The following PAK5 variants were observed in gnomAD, a reference collection of about 807,000 sequenced individuals.
PAK5 encodes the protein p21 (RAC1) activated kinase 5.
A neutral mutation model predicts 65.9 loss-of-function variants in PAK5; 16 were observed. The observed-to-expected ratio is 0.24, with a 90% CI of 0.16 to 0.37. The LOEUF (loss-of-function observed/expected upper bound fraction) is 0.37, where lower values mean the gene tolerates loss of function less well. Ranked by LOEUF, PAK5 falls within the 10% of genes least tolerant of loss-of-function variation. The pLI is 1.00. For missense variants in PAK5, 785 were observed against 903.9 expected (o/e 0.87, Z 1.69); for synonymous variants, 371 against 354.9 (o/e 1.05, Z -0.51).
At chr20:9,643,960 A>G (rs2047100415) in intron 3 of PAK5, among the ~76,000 whole-genome samples, 165 bp downstream of exon 3, 1 of 152,252 alleles carries the variant, frequency 6.6e-6, no homozygotes, top group Non-Finnish European at 1.5e-5. Context: ...TGCAATTTAT[A>G]AGAAATGGTG....
intron 3 of PAK5, among the ~76,000 whole-genome samples, chr20:9,607,866 A>G (rs1333041765): frequency 6.6e-6 from 1 of 152,114 alleles, no homozygotes; most frequent in African/African-American, 2.4e-5. Context: ...AGAAAAAGAA[A>G]ATGATGCTTC....
chr20:9,598,328 A>G (rs1436356078), intron 3 of PAK5, among the ~76,000 whole-genome samples: 1 of 152,218 alleles, frequency 6.6e-6, no homozygotes, highest in Non-Finnish European at 1.5e-5. Context: ...CATGGTGTAT[A>G]CATATCGCAC....
At chr20:9,593,077 A>G (rs2046200619) in intron 3 of PAK5, among the ~76,000 whole-genome samples, 1 of 152,078 alleles carries the variant, frequency 6.6e-6, no homozygotes, top group African/African-American at 2.4e-5. Flanking sequence ...AGGTAGGAGG[A>G]CTGCTTGAGG....
chr20:9,688,282 T>C (rs1252015926), intron 2 of PAK5, among the ~76,000 whole-genome samples: 1 of 152,018 alleles, frequency 6.6e-6, no homozygotes, highest in Non-Finnish European at 1.5e-5. Flanking sequence ...TTCAAACAAA[T>C]TCTACTTCCC....
chr20:9,676,859 C>T (rs964126551), intron 2 of PAK5, among the ~76,000 whole-genome samples: 1 of 152,066 alleles, frequency 6.6e-6, no homozygotes, highest in South Asian at 2.1e-4. Flanking sequence ...ATTTAATATG[C>T]TTATGTTTTG....
At chr20:9,788,147 G>T (rs576876871) in intron 1 of PAK5, among the ~76,000 whole-genome samples, 16 of 152,166 alleles carry the variant, frequency 1.1e-4, no homozygotes, top group Non-Finnish European at 1.9e-4. Flanking sequence ...GATGGTCATA[G>T]ATGACTATAG....
intron 4 of PAK5, among the ~76,000 whole-genome samples, chr20:9,577,197 T>C (rs936877822): frequency 7.0e-6 from 1 of 142,854 alleles, no homozygotes; most frequent in African/African-American, 2.5e-5. Flanking sequence ...TTTCATCTGC[T>C]TAGTTCCAGC....
At chr20:9,663,804 G>A (rs139607151) in intron 2 of PAK5, among the ~76,000 whole-genome samples, 15 of 152,230 alleles carry the variant, frequency 9.9e-5, no homozygotes, top group Middle Eastern at 3.4e-3. Flanking sequence ...TGAATAACAC[G>A]AGTGCTTAAA....
At chr20:9,664,314 T>C (rs983389296) in intron 2 of PAK5, among the ~76,000 whole-genome samples, 7 of 152,208 alleles carry the variant, frequency 4.6e-5, no homozygotes, top group Non-Finnish European at 7.3e-5. Context: ...TGACACCCTC[T>C]TTATAAAGAA....
chr20:9,627,661 C>T (rs2046864310), intron 3 of PAK5, among the ~76,000 whole-genome samples: 1 of 152,042 alleles, frequency 6.6e-6, no homozygotes, highest in South Asian at 2.1e-4. Context: ...GAGTCTCACT[C>T]TGTCACTCAG....
chr20:9,571,435 C>G (rs1185131166), intron 4 of PAK5, among the ~76,000 whole-genome samples: 1 of 152,202 alleles, frequency 6.6e-6, no homozygotes, highest in Non-Finnish European at 1.5e-5. Context: ...AAACTGCCCC[C>G]AAGCAATGCA....
At chr20:9,678,306 G>A (rs2047602817) in intron 2 of PAK5, among the ~76,000 whole-genome samples, 1 of 152,208 alleles carries the variant, frequency 6.6e-6, no homozygotes, top group African/African-American at 2.4e-5. Flanking sequence ...GGTGGCTCAT[G>A]CCTGTAATCC....
intron 1 of PAK5, among the ~76,000 whole-genome samples, chr20:9,788,718 A>G (rs1023457660): frequency 5.9e-5 from 9 of 152,130 alleles, no homozygotes; most frequent in African/African-American, 2.2e-4. Flanking sequence ...CTATAACTCT[A>G]TTGGTCACAG....
At chr20:9,640,650 G>C (rs527509105) in intron 3 of PAK5, among the ~76,000 whole-genome samples, 1 of 152,298 alleles carries the variant, frequency 6.6e-6, no homozygotes. Context: ...AGCTCTTAAA[G>C]TGGCACGTCT....
chr20:9,805,272 A>C (rs1734068850), intron 1 of PAK5, among the ~76,000 whole-genome samples: 1 of 152,186 alleles, frequency 6.6e-6, no homozygotes, highest in African/African-American at 2.4e-5. Context: ...GGTGAATGTA[A>C]AATGAGAGTC....
At chr20:9,633,012 C>T (rs988541380) in intron 3 of PAK5, among the ~76,000 whole-genome samples, 3 of 152,102 alleles carry the variant, frequency 2.0e-5, no homozygotes, top group African/African-American at 7.2e-5. Context: ...TTACTACTCT[C>T]TAATTGAAAA....
chr20:9,652,803 C>G (rs574922531), intron 2 of PAK5, among the ~76,000 whole-genome samples: 1 of 152,268 alleles, frequency 6.6e-6, no homozygotes, highest in African/African-American at 2.4e-5. Context: ...GGGATGTAAA[C>G]CCCGACTTCA....
chr20:9,760,677 T>TC (rs1282114614), intron 1 of PAK5, among the ~76,000 whole-genome samples: 10 of 147,850 alleles, frequency 6.8e-5, no homozygotes, highest in East Asian at 2.0e-4. Context: ...TCTTTTCTTT[T>TC]TTTTTTTTTT....
At position 9,771,820 on chromosome 20, in the gene PAK5, A is replaced by T. The variant is rs550080622; in HGVS notation, c.-161-60385T>A. The stretch of plus-strand genomic sequence containing the variant: ...TTGGGAGTCCGGGGGAGGGCGGATC[A>T]CTTGAGCAGGAGTTTGAGACCAGCC... On this transcript the variant is annotated intron_variant, in intron 1 of 9. Coordinates refer to ENST00000353224, the MANE Select transcript of PAK5 (RefSeq NM_177990.4). Among the ~76,000 whole-genome samples the T allele has an allele frequency of 5.9e-5, 9 of 152,154 alleles. No individual in the cohort carries two copies. In the South Asian group the frequency reaches 1.9e-3, roughly 32 times the overall value.
Sources: gnomAD v4.1 joint callset for allele counts (sites outside exome capture counted in the v4.1 genomes callset) on GRCh38, gnomAD v4.1.1 for gene constraint, MANE v1.5 for transcripts, NCBI Gene and HGNC (gene_info 2026-07-23, HGNC 2026-07-21) for gene names.